Variants in MAGI2 observed in about 807,000 individuals in gnomAD.
The protein encoded by MAGI2 is membrane associated guanylate kinase, WW and PDZ domain containing 2.
A neutral mutation model predicts 133.3 loss-of-function variants in MAGI2; 35 were observed. The observed-to-expected ratio is 0.26, with a 90% CI of 0.20 to 0.35. The LOEUF (loss-of-function observed/expected upper bound fraction) is 0.35. Ranked by LOEUF, MAGI2 falls within the 10% of genes least tolerant of loss-of-function variation. The pLI, the probability that MAGI2 is intolerant of heterozygous loss-of-function variation, is 1.00. For missense variants in MAGI2, 1,636 were observed against 1,863.4 expected, an observed-to-expected ratio of 0.88 and a Z score of 2.25; for synonymous variants, 729 against 710.6, an observed-to-expected ratio of 1.03 and a Z score of -0.41.
chr7:78,343,650 T>C lies in MAGI2; in HGVS notation c.1408+128A>G, dbSNP rs374536573. The C allele has an allele frequency of 1.9e-5, 11 of 566,770 alleles. No homozygotes were observed. In the East Asian group the frequency reaches 2.7e-4, roughly 14 times the overall value. The allele number at this position is 566,770 out of a possible 1,614,324, so 35.1% of individuals were successfully genotyped here. A position where few individuals can be genotyped will look rare whatever the true frequency, so the allele number is the denominator to read the frequency against. On this transcript the variant is annotated intron_variant, in intron 9 of 21. Transcript: ENST00000354212. The stretch of plus-strand genomic sequence containing the variant: ...TTAAACTTAGGGGAAACATAATTTA[T>C]GCTTCATGCTTTTCCTAAAGTGAAG...
intron 1 of MAGI2, among the ~76,000 whole-genome samples, chr7:79,366,054 C>T (rs1386577986): frequency 2.6e-5 from 4 of 150,982 alleles, no homozygotes; most frequent in Non-Finnish European, 5.9e-5. Flanking sequence ...CCAGCCTGGG[C>T]AACATGGTGA....
intron 1 of MAGI2, among the ~76,000 whole-genome samples, chr7:79,368,417 C>G (rs1842857420): frequency 6.6e-6 from 1 of 152,134 alleles, no homozygotes; most frequent in Non-Finnish European, 1.5e-5. Context: ...TCAGATCAAT[C>G]AAGTCCTTTG....
At chr7:78,404,345 G>A (rs1037817034) in intron 6 of MAGI2, among the ~76,000 whole-genome samples, 9 of 152,126 alleles carry the variant, frequency 5.9e-5, no homozygotes, top group African/African-American at 1.9e-4. Context: ...AAGCAAAAAT[G>A]AGCCTGCATT....
intron 16 of MAGI2, among the ~76,000 whole-genome samples, chr7:78,156,144 G>C (rs1185586338): frequency 1.3e-5 from 2 of 152,176 alleles, no homozygotes; most frequent in Non-Finnish European, 2.9e-5. Flanking sequence ...GTGAACTCTG[G>C]AGAGGGAAAA....
intron 1 of MAGI2, among the ~76,000 whole-genome samples, chr7:79,165,187 T>G (rs1285664076): frequency 1.3e-5 from 2 of 151,758 alleles, no homozygotes; most frequent in African/African-American, 4.8e-5. Context: ...TTGTTTTTTT[T>G]TTTTAATTCT....
chr7:79,369,155 G>C (rs1842910836), intron 1 of MAGI2, among the ~76,000 whole-genome samples: 2 of 152,050 alleles, frequency 1.3e-5, no homozygotes, highest in Admixed American at 1.3e-4. Context: ...TTCAAATAAA[G>C]GGCTTGAGAG....
At chr7:78,279,758 T>TGAG (rs934392228) in intron 9 of MAGI2, among the ~76,000 whole-genome samples, 1 of 152,080 alleles carries the variant, frequency 6.6e-6, no homozygotes, top group African/African-American at 2.4e-5. Flanking sequence ...TCCTTCCCAT[T>TGAG]GAGGCTACAG....
At chr7:78,634,394 G>C (rs1048444042) in intron 2 of MAGI2, among the ~76,000 whole-genome samples, 1 of 152,182 alleles carries the variant, frequency 6.6e-6, no homozygotes, top group Non-Finnish European at 1.5e-5. Flanking sequence ...ACCTACAAGA[G>C]TCAGAAAGCA....
chr7:79,340,416 A>C (rs1409169190), intron 1 of MAGI2, among the ~76,000 whole-genome samples: 1 of 151,976 alleles, frequency 6.6e-6, no homozygotes, highest in African/African-American at 2.4e-5. Flanking sequence ...ATTTCCTCCC[A>C]CTGTCTGGAG....
intron 20 of MAGI2, among the ~76,000 whole-genome samples, chr7:78,090,481 G>A (rs879701072): frequency 2.6e-5 from 4 of 152,112 alleles, no homozygotes; most frequent in African/African-American, 7.2e-5. Flanking sequence ...GGGTGTATGG[G>A]AGACTGGAGG....
At chr7:78,725,679 GTCCCAGCTACT>G (rs1820706499) in intron 2 of MAGI2, among the ~76,000 whole-genome samples, 1 of 152,186 alleles carries the variant, frequency 6.6e-6, no homozygotes, top group East Asian at 1.9e-4. Context: ...GGCGCCTGTA[GTCCCAGCTACT>G]TGGGAGGCTG....
intron 9 of MAGI2, among the ~76,000 whole-genome samples, chr7:78,271,704 T>A (rs1281656670): frequency 6.6e-6 from 1 of 152,202 alleles, no homozygotes; most frequent in Non-Finnish European, 1.5e-5. Flanking sequence ...TGTCCAGGAA[T>A]TTATCCATTT....
At chr7:79,255,839 T>C (rs1175118086) in intron 1 of MAGI2, among the ~76,000 whole-genome samples, 1 of 152,142 alleles carries the variant, frequency 6.6e-6, no homozygotes, top group Non-Finnish European at 1.5e-5. Context: ...AAAAAAATAC[T>C]CATTATATGA....
intron 12 of MAGI2, among the ~76,000 whole-genome samples, chr7:78,189,097 A>G (rs1210086901): frequency 6.6e-6 from 1 of 152,200 alleles, no homozygotes; most frequent in African/African-American, 2.4e-5. Flanking sequence ...CACTAATAAC[A>G]AGGAAAGAGC....
chr7:78,326,206 G>A (rs1788570606), intron 9 of MAGI2, among the ~76,000 whole-genome samples: 1 of 152,188 alleles, frequency 6.6e-6, no homozygotes, highest in Non-Finnish European at 1.5e-5. Context: ...TGCTCCACAT[G>A]TGCCTGCTGA....
intron 2 of MAGI2, among the ~76,000 whole-genome samples, chr7:78,979,334 GAA>G (rs1322439424): frequency 6.6e-6 from 1 of 151,198 alleles, no homozygotes. Context: ...CAGAATTTAA[GAA>G]AGAGGTCAAA....
At chr7:78,312,967 T>TACAC (rs750846388) in intron 9 of MAGI2, among the ~76,000 whole-genome samples, 2 of 149,674 alleles carry the variant, frequency 1.3e-5, no homozygotes, top group African/African-American at 4.9e-5. Context: ...TATATGTATA[T>TACAC]ACACACACAC....
intron 1 of MAGI2, among the ~76,000 whole-genome samples, chr7:79,443,179 G>C (rs554992676): frequency 2.0e-5 from 3 of 152,174 alleles, no homozygotes; most frequent in Non-Finnish European, 2.9e-5. Flanking sequence ...TGCTGAGGCA[G>C]AAGAATCACT....
chr7:78,507,173 G>T (rs1439615909), intron 4 of MAGI2, among the ~76,000 whole-genome samples: 1 of 152,032 alleles, frequency 6.6e-6, no homozygotes, highest in African/African-American at 2.4e-5. Flanking sequence ...GCAATAAGTA[G>T]CACCTACCTC....
Sources: gnomAD v4.1 joint callset for allele counts (sites outside exome capture counted in the v4.1 genomes callset) on GRCh38, gnomAD v4.1.1 for gene constraint, MANE v1.5 for transcripts, NCBI Gene and HGNC (gene_info 2026-07-23, HGNC 2026-07-21) for gene names.